MAP4K4: variants seen among roughly 807,000 people sequenced by gnomAD.
MAP4K4 encodes the protein HPK/GCK-like kinase HGK.
Under a neutral mutation model 189.6 loss-of-function variants are expected in MAP4K4, and 38 were observed. The ratio of observed to expected loss-of-function variants is 0.20; its 90% confidence interval spans 0.15 to 0.26. The LOEUF (loss-of-function observed/expected upper bound fraction) is 0.26. MAP4K4 is among the 10% of genes least tolerant of loss of function. The pLI is 1.00. For synonymous variants in MAP4K4, 610 were observed against 624.3 expected (o/e 0.98, Z 0.34); for missense variants, 1,054 against 1,726.9 (o/e 0.61, Z 6.91).
chr2:101,697,816 C>G (rs1439495057), exon 1 of MAP4K4: 1 of 145,104 alleles, frequency 6.9e-6, no homozygotes, highest in African/African-American at 2.5e-5. Flanking sequence ...GCCCGGGGGC[C>G]TGACGGCCGG....
chr2:101,837,563 C>T (rs1194994993), intron 9 of MAP4K4, among the ~76,000 whole-genome samples: 1 of 152,128 alleles, frequency 6.6e-6, no homozygotes, highest in Non-Finnish European at 1.5e-5. Flanking sequence ...GACATAATAA[C>T]TCTGGACATC....
At chr2:101,758,339 G>A (rs532781242) in intron 2 of MAP4K4, among the ~76,000 whole-genome samples, 1 of 152,322 alleles carries the variant, frequency 6.6e-6, no homozygotes, top group East Asian at 1.9e-4. Context: ...CACATCGTGA[G>A]CGTTGTGTTA....
chr2:101,764,038 A>G (rs937422023), intron 2 of MAP4K4, among the ~76,000 whole-genome samples: 7 of 152,122 alleles, frequency 4.6e-5, no homozygotes, highest in Non-Finnish European at 7.4e-5. Context: ...ACGTGGGGCT[A>G]TAGTGACACA....
rs566420094 is a variant in MAP4K4, at chr2:101,846,809, G to T, written c.1233+2498G>T. On this transcript the variant is annotated intron_variant, in intron 12 of 32. Transcript: ENST00000324219. ...AAGTCACATGAGTAGAATTCCACTG[G>T]TTTGGATTTTTGGTCAGCTAGCTGC... Among the ~76,000 whole-genome samples, 1,162 of 152,278 alleles carry T rather than the reference G, an allele frequency of 7.6e-3. 2 individuals are homozygous for T. Among genetic ancestry groups the T allele is most frequent in the Non-Finnish European group, 0.012 (794 of 68,014 alleles).
intron 2 of MAP4K4, among the ~76,000 whole-genome samples, chr2:101,790,304 G>A (rs2092641294): frequency 2.0e-5 from 3 of 151,834 alleles, no homozygotes; most frequent in Non-Finnish European, 4.4e-5. Flanking sequence ...AAGAAGGAAA[G>A]GATGGCCAAC....
intron 2 of MAP4K4, among the ~76,000 whole-genome samples, chr2:101,755,373 T>C (rs1227269802): frequency 6.6e-6 from 1 of 152,190 alleles, no homozygotes; most frequent in East Asian, 1.9e-4. Flanking sequence ...AAAGGCTGGC[T>C]GGTCTTCTTG....
chr2:101,716,168 T>C (rs946334556), intron 2 of MAP4K4, among the ~76,000 whole-genome samples: 1 of 152,192 alleles, frequency 6.6e-6, no homozygotes, highest in African/African-American at 2.4e-5. Context: ...ATACTACAGA[T>C]GGCCGTGGCT....
chr2:101,703,641 C>T (rs1004575836), intron 2 of MAP4K4, among the ~76,000 whole-genome samples: 39 of 92,074 alleles, frequency 4.2e-4, no homozygotes, highest in Admixed American at 1.8e-3. Context: ...AAAAAAAAGG[C>T]GGGGGTGGGG....
intron 3 of MAP4K4, among the ~76,000 whole-genome samples, chr2:101,803,564 C>G (rs1363501114): frequency 6.6e-6 from 1 of 152,144 alleles, no homozygotes; most frequent in Non-Finnish European, 1.5e-5. Context: ...AGTTTACATT[C>G]TCTTCATAGG....
intron 3 of MAP4K4, 108 bp from the exon 4 acceptor site, chr2:101,823,820 T>C (rs2096219097): frequency 5.4e-6 from 5 of 932,674 alleles, no homozygotes; most frequent in South Asian, 5.4e-5. Context: ...CCTCTGCTCC[T>C]GGAGGATGGA....
chr2:101,781,129 A>C (rs1358852167), intron 2 of MAP4K4, among the ~76,000 whole-genome samples: 1 of 152,218 alleles, frequency 6.6e-6, no homozygotes, highest in Non-Finnish European at 1.5e-5. Context: ...TTGATGAAAG[A>C]AAGCATGTGC....
chr2:101,712,532 C>T (rs1490760959), intron 2 of MAP4K4, among the ~76,000 whole-genome samples: 1 of 151,996 alleles, frequency 6.6e-6, no homozygotes, highest in Non-Finnish European at 1.5e-5. Context: ...CAGTATCTCC[C>T]TCTGTCACCC....
intron 2 of MAP4K4, among the ~76,000 whole-genome samples, chr2:101,778,757 C>T (rs1309234096): frequency 2.0e-5 from 3 of 152,160 alleles, no homozygotes; most frequent in East Asian, 3.9e-4. Context: ...TACATCCTGA[C>T]CTTCACCTAC....
At chr2:101,801,245 C>G (rs2094342446) in intron 3 of MAP4K4, among the ~76,000 whole-genome samples, 1 of 152,086 alleles carries the variant, frequency 6.6e-6, no homozygotes. Context: ...TCCCCAAGAC[C>G]ATCCTCAATT....
At chr2:101,785,808 T>G in intron 2 of MAP4K4, among the ~76,000 whole-genome samples, 1 of 31,416 alleles carries the variant, frequency 3.2e-5, no homozygotes, top group East Asian at 8.7e-4. Flanking sequence ...TTTCTTTCTC[T>G]TCTTTCTTTC....
intron 3 of MAP4K4, among the ~76,000 whole-genome samples, chr2:101,802,792 G>GT (rs747372069): frequency 0.012 from 1,752 of 148,720 alleles, 15 homozygotes; most frequent in South Asian, 0.019. Context: ...ATCTTTGTCT[G>GT]TTTTTTTTTT....
chr2:101,848,962 G>A (rs115686599), intron 12 of MAP4K4, among the ~76,000 whole-genome samples: 25 of 152,228 alleles, frequency 1.6e-4, no homozygotes, highest in African/African-American at 5.5e-4. Flanking sequence ...AGCCGAGTTC[G>A]TACTGAGAGT....
intron 2 of MAP4K4, among the ~76,000 whole-genome samples, chr2:101,743,199 G>A (rs951527122): frequency 6.6e-6 from 1 of 152,080 alleles, no homozygotes; most frequent in Admixed American, 6.6e-5. Flanking sequence ...TTAATTTTCA[G>A]GGCAACTCAG....
At chr2:101,711,676 G>GA (rs2045631128) in intron 2 of MAP4K4, among the ~76,000 whole-genome samples, 1 of 152,098 alleles carries the variant, frequency 6.6e-6, no homozygotes, top group Non-Finnish European at 1.5e-5. Context: ...AATCATACTG[G>GA]AAAATGGGAC....
Sources: gnomAD v4.1 joint callset for allele counts (sites outside exome capture counted in the v4.1 genomes callset) on GRCh38, gnomAD v4.1.1 for gene constraint, MANE v1.5 for transcripts, NCBI Gene and HGNC (gene_info 2026-07-23, HGNC 2026-07-21) for gene names.